The following PREX1 variants were observed in gnomAD, a reference collection of about 807,000 sequenced individuals.
PREX1 encodes phosphatidylinositol-3,4,5-trisphosphate dependent Rac exchange factor 1.
A neutral mutation model predicts 198.3 loss-of-function variants in PREX1; 41 were observed. That is an observed-to-expected ratio of 0.21 (90% CI 0.16 to 0.27). PREX1 has a LOEUF of 0.27. PREX1 is among the 10% of genes least tolerant of loss of function. PREX1 has a pLI of 1.00. For synonymous variants in PREX1, 843 were observed against 887.2 expected, an observed-to-expected ratio of 0.95 and a Z score of 0.89; for missense variants, 1,620 against 2,200.7, an observed-to-expected ratio of 0.74 and a Z score of 5.28.
At chr20:48,665,854 C>T (rs918417760) in intron 15 of PREX1, among the ~76,000 whole-genome samples, 6 of 152,102 alleles carry the variant, frequency 3.9e-5, no homozygotes, top group African/African-American at 1.2e-4. Flanking sequence ...GGGAGGAGGC[C>T]GGGGAAAGAG....
chr20:48,642,551 C>A, intron 27 of PREX1, 62 bp from the exon 28 acceptor site: 1 of 1,423,620 alleles, frequency 7.0e-7, no homozygotes, highest in South Asian at 1.3e-5. Context: ...CCATCCCCAG[C>A]ACTTTCCTAA....
chr20:48,632,168 T>C, intron 35 of PREX1, 109 bp downstream of exon 35: 1 of 989,696 alleles, frequency 1.0e-6, no homozygotes, highest in Non-Finnish European at 1.6e-6. Flanking sequence ...AGAAAGGGTG[T>C]GCGGCCCACT....
chr20:48,650,849 T>A, intron 23 of PREX1, 45 bp downstream of exon 23: 2 of 1,598,030 alleles, frequency 1.3e-6, no homozygotes, highest in Non-Finnish European at 1.7e-6. Flanking sequence ...TGAGATGCTA[T>A]GTCTGGGACC....
intron 15 of PREX1, among the ~76,000 whole-genome samples, chr20:48,661,468 T>TATATATATATATATATATATATATACAC (rs1373152651): frequency 7.8e-5 from 6 of 76,802 alleles, no homozygotes; most frequent in African/African-American, 5.0e-4. Flanking sequence ...TATATATATA[T>TATATATATATATATATATATATATACAC]ACACACACAT....
intron 5 of PREX1, among the ~76,000 whole-genome samples, chr20:48,725,980 T>G (rs989239928): frequency 1.3e-5 from 2 of 152,232 alleles, no homozygotes; most frequent in African/African-American, 2.4e-5. Flanking sequence ...TGGCTGCAGA[T>G]AGCCAAAGAC....
chr20:48,668,287 G>GACAA (rs918552497), intron 14 of PREX1, among the ~76,000 whole-genome samples: 1 of 152,192 alleles, frequency 6.6e-6, no homozygotes, highest in African/African-American at 2.4e-5. Context: ...ACCAGGGGAG[G>GACAA]ACAAGCTGAG....
At chr20:48,635,779 C>A (rs2089357978) in intron 32 of PREX1, among the ~76,000 whole-genome samples, 1 of 152,264 alleles carries the variant, frequency 6.6e-6, no homozygotes, top group Admixed American at 6.5e-5. Flanking sequence ...AGGCCCCCAG[C>A]TCCCAGCTCA....
chr20:48,743,688 C>G (rs1373470530), intron 3 of PREX1, among the ~76,000 whole-genome samples: 1 of 152,250 alleles, frequency 6.6e-6, no homozygotes, highest in African/African-American at 2.4e-5. Flanking sequence ...GCTTAATCCT[C>G]ACAATGTCCT....
intron 9 of PREX1, among the ~76,000 whole-genome samples, chr20:48,689,642 T>C (rs1184905213): frequency 6.6e-6 from 1 of 152,158 alleles, no homozygotes; most frequent in Non-Finnish European, 1.5e-5. Flanking sequence ...CTAGGCCACA[T>C]CCCTGAACCC....
At chr20:48,863,618 C>G in the PREX1 span, among the ~76,000 whole-genome samples, 1 of 130,020 alleles carries the variant, frequency 7.7e-6, no homozygotes, top group South Asian at 2.5e-4. Context: ...GACACAGTCT[C>G]GCTCTGTCGC....
intron 1 of PREX1, among the ~76,000 whole-genome samples, chr20:48,789,602 G>A (rs937314624): frequency 6.6e-6 from 1 of 152,154 alleles, no homozygotes; most frequent in Non-Finnish European, 1.5e-5. Flanking sequence ...CTTGAAATGA[G>A]TATTTTTATG....
chr20:48,782,334 TA>T (rs1195733833), intron 1 of PREX1, among the ~76,000 whole-genome samples: 1 of 152,176 alleles, frequency 6.6e-6, no homozygotes, highest in Admixed American at 6.5e-5. Flanking sequence ...GATGGTTTCA[TA>T]AAAGGAAACC....
intron 6 of PREX1, among the ~76,000 whole-genome samples, 169 bp from the exon 7 acceptor site, chr20:48,701,055 G>C (rs1453417974): frequency 6.6e-6 from 1 of 152,150 alleles, no homozygotes; most frequent in South Asian, 2.1e-4. Flanking sequence ...TATCTGCTGA[G>C]CATGCCATGA....
chr20:48,740,871 T>C (rs533302836), intron 3 of PREX1, among the ~76,000 whole-genome samples: 1 of 152,270 alleles, frequency 6.6e-6, no homozygotes, highest in African/African-American at 2.4e-5. Context: ...AGTTTCTAGA[T>C]AGAATGCGGT....
In PREX1 at chr20:48,791,430, T is replaced by G. The variant is rs185394068; in HGVS notation, c.219+36212A>C. On this transcript the variant is annotated intron_variant, in intron 1 of 39. Transcript: ENST00000371941. ...GGGAAACCAAGGCACAGAGGTCAAG[T>G]CATTTGCCCCAAGGTCACCCTGCTG... Among the ~76,000 whole-genome samples, 5 of 152,168 alleles carry G rather than the reference T, an allele frequency of 3.3e-5. No homozygotes were observed. In the South Asian group the frequency reaches 8.3e-4, roughly 25 times the overall value.
chr20:48,718,173 C>T (rs1350096190), intron 5 of PREX1, among the ~76,000 whole-genome samples: 5 of 152,206 alleles, frequency 3.3e-5, no homozygotes, highest in Non-Finnish European at 7.3e-5. Flanking sequence ...ACTGACCCTC[C>T]AGGCTCTGAC....
chr20:48,663,596 T>C (rs540354451), intron 15 of PREX1, among the ~76,000 whole-genome samples: 13 of 152,240 alleles, frequency 8.5e-5, no homozygotes, highest in Non-Finnish European at 1.6e-4. Flanking sequence ...CCATGCCCAT[T>C]TGTTTACATA....
chr20:48,657,077 G>A lies in PREX1; in HGVS notation c.2086C>T (p.Arg696Cys), dbSNP rs7271583. 128 of 1,606,402 alleles carry A rather than the reference G, an allele frequency of 8.0e-5. No homozygotes were observed. The African/African-American group carries it at 1.3e-3, about 16-fold the overall frequency. Residue 696 changes from arginine (R) to cysteine (C), a missense_variant, in exon 18 of 40, where the codon CGC (arginine) becomes TGC (cysteine). Physicochemically the swap from Arg to Cys is radical, Grantham distance 180. Around this residue, in one of 7 missense-constraint regions of PREX1, gnomAD observed 514 missense variants for 611.6 expected, o/e 0.84. Transcript: ENST00000371941. ...SILNQSFCSR[R>C]PLRLLVATKA... Reference sequence around the variant, plus strand: ...GTGGCCACCAGGAGGCGCAGAGGGCGGCGGGAGCAGAAGGACTGGTTGAGG... The same window carrying A: ...GTGGCCACCAGGAGGCGCAGAGGGCAGCGGGAGCAGAAGGACTGGTTGAGG...
At chr20:48,724,961 T>C (rs1382252218) in intron 5 of PREX1, among the ~76,000 whole-genome samples, 1 of 152,214 alleles carries the variant, frequency 6.6e-6, no homozygotes, top group Non-Finnish European at 1.5e-5. Flanking sequence ...CCTTTCGAGA[T>C]TGCTGGGAGA....
Sources: gnomAD v4.1 joint callset for allele counts (sites outside exome capture counted in the v4.1 genomes callset) on GRCh38, gnomAD v4.1.1 for gene constraint, gnomAD v4.1.1 regional missense constraint, MANE v1.5 for transcripts, NCBI Gene and HGNC (gene_info 2026-07-23, HGNC 2026-07-21) for gene names.